The following SHTN1 variants were observed in gnomAD, a reference collection of about 807,000 sequenced individuals.
SHTN1 encodes shootin-1.
SHTN1 carries 42 observed loss-of-function variants against 83.1 expected under a neutral mutation model. The ratio of observed to expected loss-of-function variants is 0.51; its 90% CI spans 0.39 to 0.65. The LOEUF is 0.65. Among genes scored for constraint, SHTN1 ranks in the 30% least tolerant of loss-of-function variants. The pLI is 0.00. For synonymous variants in SHTN1, 224 were observed against 247.7 expected, an observed-to-expected ratio of 0.90 and a Z score of 0.90; for missense variants, 622 against 737.8, an observed-to-expected ratio of 0.84 and a Z score of 1.82.
chr10:116,993,994 T>G (rs562351085), intron 1 of SHTN1, among the ~76,000 whole-genome samples: 40 of 152,262 alleles, frequency 2.6e-4, no homozygotes, highest in Non-Finnish European at 5.3e-4. Context: ...GCTTTAAAAA[T>G]TGTACTTTGA....
At position 116,921,536 on chromosome 10, in the gene SHTN1, A is replaced by C; in HGVS notation, c.1113-20T>G. 6.3e-7 allele frequency: 1 copy of C among 1,591,866 alleles called. No homozygotes were observed. The highest frequency in any genetic ancestry group is 1.7e-5 in the Admixed American group (1 of 59,516). ...AGGGATCTTTGGGAGAAAGAAAAAG[A>C]TCAACAGGAGATTACTGGATGCCTA... On this transcript the variant is annotated intron_variant, in intron 11 of 16. Coordinates refer to ENST00000355371, the MANE Select transcript of SHTN1 (RefSeq NM_001127211.3).
At chr10:117,026,870 C>G (rs1490792814) in intron 2 of SHTN1, among the ~76,000 whole-genome samples, 1 of 152,138 alleles carries the variant, frequency 6.6e-6, no homozygotes, top group Non-Finnish European at 1.5e-5. Context: ...TTGTAGAGAC[C>G]CAGGGCCTTG....
At chr10:116,960,378 G>A in intron 3 of SHTN1, 148 bp from the exon 4 acceptor site, 3 of 521,588 alleles carry the variant, frequency 5.8e-6, no homozygotes, top group South Asian at 6.7e-5. Flanking sequence ...TTGAGAAGCT[G>A]CCCTGATTAA....
intron 1 of SHTN1, among the ~76,000 whole-genome samples, chr10:117,117,586 C>T (rs989524948): frequency 6.6e-6 from 1 of 152,084 alleles, no homozygotes; most frequent in Non-Finnish European, 1.5e-5. Flanking sequence ...ATAGCCAAAG[C>T]AATCCTTAGC....
chr10:117,107,326 A>G (rs1268099769), intron 1 of SHTN1, among the ~76,000 whole-genome samples: 2 of 152,164 alleles, frequency 1.3e-5, no homozygotes, highest in Admixed American at 6.5e-5. Flanking sequence ...CAACAACCAC[A>G]TTATTTCCTC....
chr10:117,010,416 AAAAAGAAAAGAAAAG>A (rs555154349), upstream of SHTN1, among the ~76,000 whole-genome samples: 1 of 152,160 alleles, frequency 6.6e-6, no homozygotes, highest in Non-Finnish European at 1.5e-5. Flanking sequence ...AAAGTATTAA[AAAAAGAAAAGAAAAG>A]AAAAGAAAGA....
chr10:116,890,445 G>T (rs1847304655), intron 16 of SHTN1, among the ~76,000 whole-genome samples: 1 of 152,156 alleles, frequency 6.6e-6, no homozygotes, highest in Non-Finnish European at 1.5e-5. Context: ...GTTAACAGCA[G>T]ACACAGGACT....
chr10:117,067,968 G>A (rs374629200), intron 1 of SHTN1, among the ~76,000 whole-genome samples: 22 of 152,256 alleles, frequency 1.4e-4, no homozygotes, highest in African/African-American at 5.1e-4. Context: ...ATAGGAAGTT[G>A]AAGTAGAGAC....
chr10:117,051,458 C>A (rs770986181), intron 1 of SHTN1, among the ~76,000 whole-genome samples: 5 of 152,010 alleles, frequency 3.3e-5, no homozygotes, highest in Admixed American at 2.6e-4. Context: ...AAAGACAATG[C>A]AAGAAAAGAA....
chr10:117,109,010 C>T (rs1444300112), intron 1 of SHTN1, among the ~76,000 whole-genome samples: 1 of 152,218 alleles, frequency 6.6e-6, no homozygotes, highest in South Asian at 2.1e-4. Context: ...TTGACTAAGA[C>T]ACTAGTGGTG....
In SHTN1 at chr10:117,102,478, G is replaced by T. The variant is rs1006119308; in HGVS notation, c.-189+23829C>A. 1.2e-4 allele frequency among the ~76,000 whole-genome samples: 19 copies of T among 152,064 alleles called. 1 individual carries two copies. Among genetic ancestry groups the T allele is most frequent in the Admixed American group, 9.8e-4 (15 of 15,260 alleles). On this transcript the variant is annotated intron_variant, in intron 1 of 17. Transcript: ENST00000392901. ...AAATGGGCTGCCAGTGAAAAGCCCTGCATTGTTAGAAAATCCAAACCACGA... is the reference window on the plus strand; with the variant it reads ...AAATGGGCTGCCAGTGAAAAGCCCTTCATTGTTAGAAAATCCAAACCACGA...
chr10:116,931,074 C>A (rs1564882906), intron 9 of SHTN1, among the ~76,000 whole-genome samples: 1 of 127,672 alleles, frequency 7.8e-6, no homozygotes, highest in Non-Finnish European at 1.6e-5. Flanking sequence ...AAGAAAAATT[C>A]AGGTAATATT....
upstream of SHTN1, chr10:117,005,221 G>A (rs1851975127): frequency 6.6e-7 from 1 of 1,504,688 alleles, no homozygotes; most frequent in Non-Finnish European, 8.9e-7. Flanking sequence ...TCCTCCTCCT[G>A]GCGCGGAGCG....
chr10:117,044,352 T>G (rs1852630576), intron 2 of SHTN1, among the ~76,000 whole-genome samples: 1 of 152,132 alleles, frequency 6.6e-6, no homozygotes, highest in African/African-American at 2.4e-5. Flanking sequence ...TAAAGCTACA[T>G]AGTGTTCAAC....
chr10:117,110,717 C>T (rs1389146325), intron 1 of SHTN1, among the ~76,000 whole-genome samples: 1 of 152,062 alleles, frequency 6.6e-6, no homozygotes, highest in Non-Finnish European at 1.5e-5. Context: ...AAAGCTGCAG[C>T]GAGGAAGTCT....
At chr10:116,964,106 A>G (rs1850306718) in intron 3 of SHTN1, among the ~76,000 whole-genome samples, 1 of 151,778 alleles carries the variant, frequency 6.6e-6, no homozygotes, top group Non-Finnish European at 1.5e-5. Flanking sequence ...GTTAGTGTCT[A>G]TTTGAAGGAC....
chr10:117,097,850 T>G (rs572303574), intron 1 of SHTN1, among the ~76,000 whole-genome samples: 1 of 152,324 alleles, frequency 6.6e-6, no homozygotes, highest in South Asian at 2.1e-4. Flanking sequence ...ATCTCTGTTT[T>G]ACCTCTAATA....
intron 2 of SHTN1, among the ~76,000 whole-genome samples, chr10:117,036,284 G>C (rs1379242931): frequency 6.6e-6 from 1 of 152,062 alleles, no homozygotes; most frequent in Non-Finnish European, 1.5e-5. Context: ...CCACTGCTGG[G>C]TATATACCCA....
chr10:116,897,440 G>C (rs1350096516), intron 16 of SHTN1, among the ~76,000 whole-genome samples: 1 of 152,156 alleles, frequency 6.6e-6, no homozygotes, highest in Non-Finnish European at 1.5e-5. Flanking sequence ...ACTCTGTACA[G>C]TATGTAATCT....
Sources: allele counts gnomAD v4.1 joint callset (sites outside exome capture counted in the v4.1 genomes callset), GRCh38; gene constraint gnomAD v4.1.1; transcripts MANE v1.5; gene names NCBI Gene and HGNC (gene_info 2026-07-23, HGNC 2026-07-21).